Variants in KCNK13 observed in about 807,000 individuals in gnomAD.
KCNK13 encodes the protein potassium two pore domain channel subfamily K member 13.
KCNK13 carries 12 observed loss-of-function variants against 23.4 expected under a neutral mutation model. The observed-to-expected ratio is 0.51, with a 90% CI of 0.33 to 0.83. The LOEUF is 0.83. KCNK13 is among the 40% of genes least tolerant of loss of function. The pLI, the probability that KCNK13 is intolerant of heterozygous loss-of-function variation, is 0.02. For missense variants in KCNK13, 463 were observed against 556.3 expected (o/e 0.83, Z 1.69); for synonymous variants, 231 against 229.5 (o/e 1.01, Z -0.06).
At chr14:90,144,891 A>T (rs1180777446) in intron 1 of KCNK13, among the ~76,000 whole-genome samples, 1 of 152,158 alleles carries the variant, frequency 6.6e-6, no homozygotes, top group Non-Finnish European at 1.5e-5. Flanking sequence ...GGGGGAAAGC[A>T]TTGTCTCTCA....
intron 1 of KCNK13, among the ~76,000 whole-genome samples, chr14:90,071,145 C>T (rs1889069897): frequency 6.6e-6 from 1 of 151,994 alleles, no homozygotes; most frequent in Non-Finnish European, 1.5e-5. Flanking sequence ...AAATTCCATC[C>T]AGTTCTCTCT....
intron 1 of KCNK13, among the ~76,000 whole-genome samples, chr14:90,077,278 C>T (rs1255199982): frequency 2.0e-5 from 3 of 151,938 alleles, no homozygotes; most frequent in Non-Finnish European, 4.4e-5. Flanking sequence ...CACCACCACG[C>T]CGGGCTAATT....
intron 1 of KCNK13, among the ~76,000 whole-genome samples, chr14:90,179,106 A>C (rs572987892): frequency 3.2e-4 from 48 of 152,340 alleles, no homozygotes; most frequent in Non-Finnish European, 5.9e-4. Flanking sequence ...TTGAAAAATA[A>C]AGGCCTTGGC....
At chr14:90,154,889 A>T (rs1157387004) in intron 1 of KCNK13, among the ~76,000 whole-genome samples, 1 of 152,210 alleles carries the variant, frequency 6.6e-6, no homozygotes, top group African/African-American at 2.4e-5. Flanking sequence ...AGGTGAAGTT[A>T]ATCTGACTAT....
At chr14:90,140,092 C>T (rs1193160573) in intron 1 of KCNK13, among the ~76,000 whole-genome samples, 1 of 152,162 alleles carries the variant, frequency 6.6e-6, no homozygotes, top group Non-Finnish European at 1.5e-5. Context: ...CAGGACCCAC[C>T]ATTTCAGGGG....
chr14:90,150,850 A>G (rs534231668), intron 1 of KCNK13, among the ~76,000 whole-genome samples: 13 of 152,242 alleles, frequency 8.5e-5, no homozygotes, highest in South Asian at 4.1e-4. Flanking sequence ...GTGGTGGTGC[A>G]TTCCTGTAGT....
intron 1 of KCNK13, among the ~76,000 whole-genome samples, chr14:90,094,645 C>CTTTTT (rs778654067): frequency 2.0e-4 from 22 of 111,596 alleles, no homozygotes; most frequent in Admixed American, 2.9e-4. Context: ...TCTTTTTTTT[C>CTTTTT]TTTTTTTTTT....
intron 1 of KCNK13, among the ~76,000 whole-genome samples, chr14:90,105,388 C>T (rs1406686190): frequency 1.3e-5 from 2 of 152,098 alleles, no homozygotes; most frequent in Non-Finnish European, 2.9e-5. Flanking sequence ...CTCTAGAGTC[C>T]TCGCCTGAAA....
At chr14:90,131,380 T>C (rs1359999562) in intron 1 of KCNK13, among the ~76,000 whole-genome samples, 2 of 151,902 alleles carry the variant, frequency 1.3e-5, no homozygotes, top group Non-Finnish European at 2.9e-5. Flanking sequence ...TACAGGCACG[T>C]GCCACCACAC....
At chr14:90,081,723 G>A (rs745548553) in intron 1 of KCNK13, among the ~76,000 whole-genome samples, 2 of 152,148 alleles carry the variant, frequency 1.3e-5, no homozygotes, top group African/African-American at 2.4e-5. Context: ...ACCCTTTAGC[G>A]TTTGCCCCCT....
At chr14:90,149,441 G>A (rs1199839633) in intron 1 of KCNK13, among the ~76,000 whole-genome samples, 1 of 152,202 alleles carries the variant, frequency 6.6e-6, no homozygotes, top group African/African-American at 2.4e-5. Context: ...AGAAGGCAAA[G>A]GAGGTGCAAA....
intron 1 of KCNK13, among the ~76,000 whole-genome samples, chr14:90,133,598 CAAAA>C (rs35500723): frequency 2.6e-5 from 3 of 117,252 alleles, no homozygotes; most frequent in Non-Finnish European, 5.4e-5. Context: ...ACAAAACAGG[CAAAA>C]AAAAAAAAAA....
At chr14:90,161,278 T>C (rs575037922) in intron 1 of KCNK13, among the ~76,000 whole-genome samples, 27 of 152,260 alleles carry the variant, frequency 1.8e-4, no homozygotes, top group Middle Eastern at 3.4e-3. Context: ...GACAGTAGAA[T>C]AGAGGCTGCC....
chr14:90,093,366 T>G (rs1889371881), intron 1 of KCNK13, among the ~76,000 whole-genome samples: 1 of 152,190 alleles, frequency 6.6e-6, no homozygotes, highest in African/African-American at 2.4e-5. Flanking sequence ...ATGAAGAAAA[T>G]TAACTCGCAG....
intron 1 of KCNK13, among the ~76,000 whole-genome samples, chr14:90,070,029 C>T (rs769279643): frequency 1.3e-5 from 2 of 152,150 alleles, no homozygotes; most frequent in Non-Finnish European, 2.9e-5. Flanking sequence ...CAACAACAAA[C>T]ACTGTAAATA....
intron 1 of KCNK13, among the ~76,000 whole-genome samples, chr14:90,090,484 A>C (rs113299018): frequency 0.025 from 3,832 of 152,350 alleles, 160 homozygotes; most frequent in African/African-American, 0.087. Flanking sequence ...TATAGGCAGA[A>C]GGGCCTTGCC....
intron 1 of KCNK13, among the ~76,000 whole-genome samples, chr14:90,080,693 C>T (rs1456236433): frequency 1.3e-5 from 2 of 152,100 alleles, no homozygotes; most frequent in Admixed American, 6.6e-5. Flanking sequence ...TTCTTTGTAT[C>T]CCCAGCCCCA....
At chr14:90,178,762 C>G (rs376879435) in intron 1 of KCNK13, among the ~76,000 whole-genome samples, 5 of 152,144 alleles carry the variant, frequency 3.3e-5, no homozygotes, top group Non-Finnish European at 7.3e-5. Flanking sequence ...TTTATGTCCT[C>G]GTGTAGCATT....
At chr14:90,181,522 A>G (rs767616533) in intron 1 of KCNK13, among the ~76,000 whole-genome samples, 1 of 152,148 alleles carries the variant, frequency 6.6e-6, no homozygotes, top group African/African-American at 2.4e-5. Context: ...CCATCACTTT[A>G]TGGGTGATGG....
Sources: gnomAD v4.1 joint callset for allele counts (sites outside exome capture counted in the v4.1 genomes callset) on GRCh38, gnomAD v4.1.1 for gene constraint, MANE v1.5 for transcripts, NCBI Gene and HGNC (gene_info 2026-07-23, HGNC 2026-07-21) for gene names.